ZNF260: variants seen among roughly 807,000 people sequenced by gnomAD.
ZNF260 encodes the protein zinc finger protein 260, also known as zfp-260.
In ZNF260, 21 loss-of-function variants were observed where a neutral mutation model predicts 29.3. That is an observed-to-expected ratio of 0.72 (90% confidence interval 0.51 to 1.03). ZNF260 has a LOEUF of 1.03. Among genes scored for constraint, ZNF260 ranks in the 50% least tolerant of loss-of-function variants. The probability of loss-of-function intolerance (pLI) is 0.00; values close to 1 mark genes in which losing one functional copy is unlikely to be tolerated. For synonymous variants in ZNF260, 156 were observed against 156.8 expected (o/e 0.99, Z 0.04); for missense variants, 465 against 487.8 (o/e 0.95, Z 0.44).
At chr19:36,523,577 CTTT>C (rs765534834) in intron 2 of ZNF260, among the ~76,000 whole-genome samples, 6 of 134,870 alleles carry the variant, frequency 4.4e-5, no homozygotes, top group Admixed American at 7.6e-5. Context: ...AGTATTATTT[CTTT>C]TTTTTTTTTT....
intron 2 of ZNF260, among the ~76,000 whole-genome samples, chr19:36,519,953 A>C (rs1048741175): frequency 2.6e-5 from 4 of 151,964 alleles, no homozygotes; most frequent in Non-Finnish European, 5.9e-5. Flanking sequence ...TAATCCCAGC[A>C]CTTTGGGAGG....
At chr19:36,526,306 T>G (rs1240417995) in intron 1 of ZNF260, among the ~76,000 whole-genome samples, 1 of 152,088 alleles carries the variant, frequency 6.6e-6, no homozygotes, top group African/African-American at 2.4e-5. Flanking sequence ...TTTGGGAGGC[T>G]GAGGCAGGCT....
At position 36,515,319 on chromosome 19, in the gene ZNF260, T is replaced by G; in HGVS notation, c.-81A>C. 1 of 1,339,518 alleles carries G rather than the reference T, an allele frequency of 7.5e-7. No homozygotes were observed. The highest frequency in any genetic ancestry group is 9.9e-7 in the Non-Finnish European group (1 of 1,007,132). The allele number at this position is 1,339,518 out of a possible 1,614,324, so 83.0% of individuals were successfully genotyped here. On this transcript the variant is annotated 5_prime_UTR_variant, in exon 3 of 3. Transcript: ENST00000523638. ...GAAAGCTTTCCCACATTCACTAAAT[T>G]CATATGGTGTATTTTCAATATTAAT...
At position 36,524,517 on chromosome 19, in the gene ZNF260, G is replaced by GTTTTTTTTTT. The variant is rs61184857; in HGVS notation, c.-462+628_-462+637dup. Among the ~76,000 whole-genome samples the GTTTTTTTTTT allele has an allele frequency of 3.8e-4, 35 of 90,966 alleles. 2 individuals are homozygous for GTTTTTTTTTT. The highest frequency in any genetic ancestry group is 1.3e-3 in the African/African-American group (31 of 24,762). The allele number at this position is 90,966 out of a possible 152,430, so 59.7% of individuals were successfully genotyped here. On this transcript the variant is annotated intron_variant, in intron 2 of 2. Transcript: ENST00000523638. ...TTTAAAGAAAATAACTTACATGCTA[G>GTTTTTTTTTT]TTTTTTTTTTTTTTTTTATTGATCA... is the stretch of plus-strand genomic sequence containing the variant.
At position 36,511,032 on chromosome 19, in the gene ZNF260, T is replaced by C. The variant is rs903163621; in HGVS notation, c.*2968A>G. On this transcript the variant is annotated 3_prime_UTR_variant, in exon 3 of 3. Transcript: ENST00000523638. ...AACAGAAGAAGACAGTTTAGATTCA[T>C]GTACACATACATATATTTTATTTGG... The C allele has an allele frequency of 1.3e-5, 2 of 152,206 alleles. No individual in the cohort carries two copies. The highest frequency in any genetic ancestry group is 2.4e-5 in the African/African-American group (1 of 41,450). 9.4% of individuals were successfully genotyped at this position (152,206 alleles called of 1,614,324 possible).
chr19:36,523,577 CT>C (rs765534834), intron 2 of ZNF260, among the ~76,000 whole-genome samples: 159 of 134,866 alleles, frequency 1.2e-3, no homozygotes, highest in Admixed American at 1.4e-3. Context: ...AGTATTATTT[CT>C]TTTTTTTTTT....
At chr19:36,519,731 C>A in intron 2 of ZNF260, among the ~76,000 whole-genome samples, 1 of 151,988 alleles carries the variant, frequency 6.6e-6, no homozygotes, top group East Asian at 1.9e-4. Context: ...ATAGAAATGA[C>A]AGAACAAAAA....
intron 2 of ZNF260, among the ~76,000 whole-genome samples, chr19:36,516,491 G>C (rs2034552133): frequency 6.6e-6 from 1 of 152,188 alleles, no homozygotes; most frequent in Non-Finnish European, 1.5e-5. Flanking sequence ...TGAGGAGATT[G>C]AGGTGGGCAG....
At chr19:36,524,357 T>G (rs1460965679) in intron 2 of ZNF260, among the ~76,000 whole-genome samples, 1 of 151,652 alleles carries the variant, frequency 6.6e-6, no homozygotes, top group African/African-American at 2.4e-5. Context: ...GTTTTTGTAT[T>G]TTTAGTAAAG....
At chr19:36,521,309 C>A (rs1191490535) in intron 2 of ZNF260, among the ~76,000 whole-genome samples, 1 of 152,148 alleles carries the variant, frequency 6.6e-6, no homozygotes, top group African/African-American at 2.4e-5. Flanking sequence ...TTAAAAATTA[C>A]ATCTCCTTTG....
chr19:36,523,028 C>T (rs2034672164), intron 2 of ZNF260, among the ~76,000 whole-genome samples: 2 of 152,160 alleles, frequency 1.3e-5, no homozygotes, highest in African/African-American at 4.8e-5. Context: ...TTCAAATATC[C>T]AGCTGACTAC....
rs200161285 is a variant in ZNF260 at position 36,517,838 on chromosome 19, C to CT, written c.-461-2140dup. Among the ~76,000 whole-genome samples, 184 of 143,926 alleles carry CT rather than the reference C, an allele frequency of 1.3e-3. 1 individual carries two copies. The East Asian group carries it at 0.017, about 13-fold the overall frequency. The allele number at this position is 143,926 out of a possible 152,430, so 94.4% of individuals were successfully genotyped here. A position where few individuals can be genotyped will look rare whatever the true frequency, so the allele number is the denominator to read the frequency against. On this transcript the variant is annotated intron_variant, in intron 2 of 2. Coordinates refer to ENST00000523638, the MANE Select transcript of ZNF260 (RefSeq NM_001166037.2). Reference sequence around the variant, plus strand: ...GAATTATTTTCTTTTTTCTTTCTTTCTTTTTTTTTTTTTGGGACGGAGTCT... The same window carrying CT: ...GAATTATTTTCTTTTTTCTTTCTTTCTTTTTTTTTTTTTTGGGACGGAGTCT...
Position 36,514,575 on chromosome 19 carries a change from A to C in ZNF260, c.664T>G (p.Cys222Gly). Residue 222 changes from cysteine (C) to glycine (G), a missense_variant, in exon 3 of 3, where the codon TGT becomes GGT. Physicochemically the swap from Cys to Gly is radical, Grantham distance 159. Transcript: ENST00000523638. ...RIHTGEKPYE[C>G]KGCGKAFIQK... is the part of the protein sequence containing the mutation. The stretch of plus-strand genomic sequence containing the variant: ...ATGAAAGCTTTCCCACACCCTTTAC[A>C]TTCATAAGGTTTCTCTCCAGTATGG... 6.2e-7 allele frequency: 1 copy of C among 1,614,044 alleles called. No individual in the cohort carries two copies. The highest frequency in any genetic ancestry group is 8.5e-7 in the Non-Finnish European group (1 of 1,179,992).
chr19:36,519,067 T>A (rs1348263053), intron 2 of ZNF260, among the ~76,000 whole-genome samples: 1 of 152,062 alleles, frequency 6.6e-6, no homozygotes, highest in Non-Finnish European at 1.5e-5. Context: ...CCAAAACATT[T>A]ATCCTATAAA....
rs554264847 is a variant in ZNF260 at position 36,512,096 on chromosome 19, T to G, written c.*1904A>C. ...AAATGTATGTGATCCAACCAATCTG[T>G]GGCAAATCATAACCTCCAAGACTAT... On this transcript the variant is annotated 3_prime_UTR_variant, in exon 3 of 3. Transcript: ENST00000523638. 2 of 152,294 alleles carry G rather than the reference T, an allele frequency of 1.3e-5. No individual in the cohort carries two copies. Among genetic ancestry groups the G allele is most frequent in the Admixed American group, 6.5e-5 (1 of 15,284 alleles). The allele number at this position is 152,294 out of a possible 1,614,324, so 9.4% of individuals were successfully genotyped here.
intron 2 of ZNF260, among the ~76,000 whole-genome samples, chr19:36,516,602 G>A (rs1002500238): frequency 6.6e-5 from 10 of 152,036 alleles, no homozygotes; most frequent in South Asian, 4.1e-4. Context: ...TTTTTGGGTC[G>A]GAGTCTTGCT....
rs1288340958 is a variant in ZNF260, at chr19:36,515,132, A to T, written c.107T>A (p.Phe36Tyr). 6.2e-7 allele frequency: 1 copy of T among 1,613,876 alleles called. No homozygotes were observed. Among genetic ancestry groups the T allele is most frequent in the South Asian group, 1.1e-5 (1 of 91,088 alleles). ...CTCTACAAGGTTTTGCTTCAGGCTA[A>T]AAGTTTTTCTACATTCATTACATTC... ...PYECNECRKT[F>Y]SLKQNLVEHK... is the part of the protein sequence containing the mutation. The change falls in exon 3 of 3, where the codon TTT becomes TAT. Residue 36 changes from phenylalanine to tyrosine, a missense_variant. Physicochemically the swap from Phe to Tyr is conservative, Grantham distance 22 (BLOSUM62 3). Coordinates refer to ENST00000523638, the MANE Select transcript of ZNF260 (RefSeq NM_001166037.2).
At chr19:36,527,754 A>C (rs2034760323) in intron 1 of ZNF260, among the ~76,000 whole-genome samples, 1 of 152,184 alleles carries the variant, frequency 6.6e-6, no homozygotes, top group Non-Finnish European at 1.5e-5. Flanking sequence ...CCTCTTTAAA[A>C]AAATAATGGA....
At chr19:36,524,169 T>A (rs1568555168) in intron 2 of ZNF260, among the ~76,000 whole-genome samples, 2 of 152,000 alleles carry the variant, frequency 1.3e-5, no homozygotes, top group African/African-American at 2.4e-5. Context: ...ATGATTAATT[T>A]ATTTTATTTA....
Sources: allele counts gnomAD v4.1 joint callset (sites outside exome capture counted in the v4.1 genomes callset), GRCh38; gene constraint gnomAD v4.1.1; transcripts MANE v1.5; gene names NCBI Gene and HGNC (gene_info 2026-07-23, HGNC 2026-07-21).